PHLPP1: variants seen among roughly 807,000 people sequenced by gnomAD.
PHLPP1 encodes the protein PH domain and leucine rich repeat protein phosphatase 1, also known as PH domain leucine-rich repeat-containing protein phosphatase 1.
Under a neutral mutation model 117.2 loss-of-function variants are expected in PHLPP1, and 42 were observed. The observed-to-expected ratio is 0.36, with a 90% confidence interval of 0.28 to 0.46. PHLPP1 has a LOEUF of 0.46. Ranked by LOEUF, PHLPP1 falls within the 20% of genes least tolerant of loss-of-function variation. PHLPP1 has a pLI of 1.00. For missense variants in PHLPP1, 2,084 were observed against 2,241.9 expected, an observed-to-expected ratio of 0.93 and a Z score of 1.42; for synonymous variants, 1,042 against 970.7, an observed-to-expected ratio of 1.07 and a Z score of -1.37.
intron 4 of PHLPP1, among the ~76,000 whole-genome samples, chr18:62,874,657 G>GCACACACACACACA (rs71340125): frequency 6.8e-6 from 1 of 147,624 alleles, no homozygotes; most frequent in African/African-American, 2.5e-5. Flanking sequence ...ACGCACGCGC[G>GCACACACACACACA]CACACACACA....
In PHLPP1 at chr18:62,715,659, G is replaced by T; in HGVS notation, c.-25G>T. The T allele has an allele frequency of 1.6e-6, 2 of 1,266,894 alleles. No individual in the cohort carries two copies. Among genetic ancestry groups the T allele is most frequent in the Non-Finnish European group, 9.9e-7 (1 of 1,007,998 alleles). The allele number at this position is 1,266,894 out of a possible 1,614,324, so 78.5% of individuals were successfully genotyped here. A position where few individuals can be genotyped will look rare whatever the true frequency, so the allele number is the denominator to read the frequency against. ...CTCCGCCCGCTGCCTCCGGAGCTGG[G>T]GGGGAAACGCGAAGCCCCACTGCAA... On this transcript the variant is annotated 5_prime_UTR_variant, in exon 1 of 17. Transcript: ENST00000262719.
intron 1 of PHLPP1, among the ~76,000 whole-genome samples, chr18:62,779,118 G>C (rs1913049056): frequency 6.6e-6 from 1 of 152,122 alleles, no homozygotes; most frequent in Non-Finnish European, 1.5e-5. Context: ...AGGCCTTCAT[G>C]CTCAGCCTTA....
chr18:62,973,754 T>C (rs1911117655), intron 15 of PHLPP1, among the ~76,000 whole-genome samples: 1 of 152,236 alleles, frequency 6.6e-6, no homozygotes, highest in South Asian at 2.1e-4. Flanking sequence ...TAATGGCTAA[T>C]ATCCAGCAAG....
intron 1 of PHLPP1, among the ~76,000 whole-genome samples, chr18:62,746,736 G>A (rs1911686165): frequency 6.6e-6 from 1 of 150,672 alleles, no homozygotes; most frequent in South Asian, 2.1e-4. Flanking sequence ...ACAACCTGGC[G>A]CGTGTGTTGT....
At chr18:62,895,233 ATTAG>A in intron 5 of PHLPP1, 76 bp downstream of exon 5, 2 of 1,447,358 alleles carry the variant, frequency 1.4e-6, no homozygotes, top group East Asian at 2.3e-5. Context: ...GGCACATGAG[ATTAG>A]TTAACTTGTT....
At chr18:62,837,257 G>C (rs938767360) in intron 2 of PHLPP1, among the ~76,000 whole-genome samples, 7 of 152,180 alleles carry the variant, frequency 4.6e-5, no homozygotes, top group African/African-American at 1.7e-4. Context: ...CTCCCGAAGT[G>C]CTGGGATTAC....
intron 12 of PHLPP1, among the ~76,000 whole-genome samples, chr18:62,955,049 G>A (rs925677128): frequency 6.6e-6 from 1 of 152,180 alleles, no homozygotes; most frequent in African/African-American, 2.4e-5. Flanking sequence ...ATTATAACAA[G>A]GGACACCAAA....
intron 1 of PHLPP1, among the ~76,000 whole-genome samples, chr18:62,828,432 G>A (rs1236227521): frequency 6.6e-6 from 1 of 152,186 alleles, no homozygotes; most frequent in Non-Finnish European, 1.5e-5. Context: ...TCCAGTGAGA[G>A]CTCTAACAGT....
intron 1 of PHLPP1, among the ~76,000 whole-genome samples, chr18:62,797,790 A>G (rs1913669005): frequency 6.6e-6 from 1 of 152,164 alleles, no homozygotes; most frequent in Non-Finnish European, 1.5e-5. Context: ...ATTATGAGGA[A>G]TCTCAGGATA....
At chr18:62,857,540 A>T (rs892011984) in intron 3 of PHLPP1, among the ~76,000 whole-genome samples, 2 of 152,188 alleles carry the variant, frequency 1.3e-5, no homozygotes, top group Admixed American at 6.5e-5. Flanking sequence ...CCTGGAGTGC[A>T]TGCTTACCCA....
intron 1 of PHLPP1, among the ~76,000 whole-genome samples, chr18:62,801,274 C>T (rs985704981): frequency 6.6e-6 from 1 of 150,850 alleles, no homozygotes; most frequent in Non-Finnish European, 1.5e-5. Context: ...AACTCCTGGC[C>T]TCAAGTAATC....
At chr18:62,743,294 T>G (rs78612986) in intron 1 of PHLPP1, among the ~76,000 whole-genome samples, 1 of 148,474 alleles carries the variant, frequency 6.7e-6, no homozygotes, top group Non-Finnish European at 1.5e-5. Context: ...AAAAACAGCT[T>G]TTTTTTTTTT....
chr18:62,867,851 G>A (rs1256582941), intron 4 of PHLPP1, among the ~76,000 whole-genome samples: 1 of 151,624 alleles, frequency 6.6e-6, no homozygotes, highest in Non-Finnish European at 1.5e-5. Context: ...TGGCTCTGTT[G>A]TCCAGGCTGG....
At chr18:62,873,658 A>G (rs1044109359) in intron 4 of PHLPP1, among the ~76,000 whole-genome samples, 4 of 152,332 alleles carry the variant, frequency 2.6e-5, no homozygotes, top group African/African-American at 7.2e-5. Context: ...GGCTAGCACT[A>G]TAATTTCAGT....
At chr18:62,806,494 T>C (rs564137443) in intron 1 of PHLPP1, among the ~76,000 whole-genome samples, 1 of 152,310 alleles carries the variant, frequency 6.6e-6, no homozygotes, top group Admixed American at 6.5e-5. Flanking sequence ...TGGCTTGTTA[T>C]TTGGTTAGTT....
intron 12 of PHLPP1, among the ~76,000 whole-genome samples, chr18:62,951,650 C>T (rs1163594735): frequency 6.6e-6 from 1 of 151,938 alleles, no homozygotes; most frequent in Non-Finnish European, 1.5e-5. Context: ...AAATCATGCT[C>T]ATTTTATGTT....
chr18:62,889,099 C>T (rs1916352247), intron 4 of PHLPP1, among the ~76,000 whole-genome samples: 1 of 152,190 alleles, frequency 6.6e-6, no homozygotes, highest in African/African-American at 2.4e-5. Flanking sequence ...GTTACCACAA[C>T]AGATGTGTTT....
Position 62,979,742 on chromosome 18 carries a change from T to C in PHLPP1, c.*311T>C. 3.8e-6 allele frequency: 1 copy of C among 264,796 alleles called. No individual in the cohort carries two copies. The highest frequency in any genetic ancestry group is 1.4e-4 in the South Asian group (1 of 7,398). The allele number at this position is 264,796 out of a possible 1,614,324, so 16.4% of individuals were successfully genotyped here. ...AGAAACAGTTAATGATAATGTAATA[T>C]TTTTTAAAATGGCTTTTTGTTGTTT... On this transcript the variant is annotated 3_prime_UTR_variant, in exon 17 of 17. Transcript: ENST00000262719.
chr18:62,920,138 C>T, intron 10 of PHLPP1, 24 bp downstream of exon 10: 1 of 1,603,342 alleles, frequency 6.2e-7, no homozygotes, highest in African/African-American at 1.3e-5. Flanking sequence ...TCTTGTTTAT[C>T]ATCTGAGTCT....
Sources: gnomAD v4.1 joint callset for allele counts (sites outside exome capture counted in the v4.1 genomes callset) on GRCh38, gnomAD v4.1.1 for gene constraint, MANE v1.5 for transcripts, NCBI Gene and HGNC (gene_info 2026-07-23, HGNC 2026-07-21) for gene names.